ESR1: variants seen among roughly 807,000 people sequenced by gnomAD.
ESR1 encodes the protein estrogen receptor.
In ESR1, 12 loss-of-function variants were observed where a neutral mutation model predicts 52.7. The ratio of observed to expected loss-of-function variants is 0.23; its 90% CI spans 0.15 to 0.37. The LOEUF (loss-of-function observed/expected upper bound fraction) is 0.37, where lower values mean the gene tolerates loss of function less well. Among genes scored for constraint, ESR1 ranks in the 10% least tolerant of loss-of-function variants. ESR1 has a pLI of 1.00. For synonymous variants in ESR1, 305 were observed against 316.8 expected, an observed-to-expected ratio of 0.96 and a Z score of 0.39; for missense variants, 584 against 779.7, an observed-to-expected ratio of 0.75 and a Z score of 2.99.
chr6:151,763,800 A>T (rs1462763697), intron 2 of ESR1, among the ~76,000 whole-genome samples: 2 of 152,086 alleles, frequency 1.3e-5, no homozygotes, highest in African/African-American at 4.8e-5. Context: ...AATGAACAAG[A>T]CTCCTGACTT....
At chr6:152,109,936 T>C (rs191568206) in intron 6 of ESR1, among the ~76,000 whole-genome samples, 1 of 152,316 alleles carries the variant, frequency 6.6e-6, no homozygotes, top group East Asian at 1.9e-4. Flanking sequence ...GCAGATGGAA[T>C]GTTCTTTGAT....
Position 152,100,919 on chromosome 6 carries a change from T to A in ESR1, c.*1953T>A. 1 of 230,342 alleles carries A rather than the reference T, an allele frequency of 4.3e-6. No individual in the cohort carries two copies. Among genetic ancestry groups the A allele is most frequent in the Non-Finnish European group, 8.6e-6 (1 of 116,106 alleles). 14.3% of individuals were successfully genotyped at this position (230,342 alleles called of 1,614,324 possible). A position where few individuals can be genotyped will look rare whatever the true frequency, so the allele number is the denominator to read the frequency against. On this transcript the variant is annotated 3_prime_UTR_variant, in exon 8 of 8. Coordinates refer to ENST00000206249, the MANE Select transcript of ESR1 (RefSeq NM_000125.4). ...TGTTTAAGAAGCACCTTATATAGTA[T>A]AATATATATTTTTTTGAAATTACAT...
chr6:152,015,510 C>A (rs1413921627), intron 5 of ESR1, among the ~76,000 whole-genome samples: 1 of 152,178 alleles, frequency 6.6e-6, no homozygotes, highest in Non-Finnish European at 1.5e-5. Context: ...TGGTCAAAAA[C>A]CAGATCTTGT....
At position 152,102,856 on chromosome 6, in the gene ESR1, G is replaced by A. The variant is rs942939414; in HGVS notation, c.*3890G>A. 1.0e-4 allele frequency: 23 copies of A among 226,522 alleles called. No individual in the cohort carries two copies. Among genetic ancestry groups the A allele is most frequent in the African/African-American group, 5.1e-4 (23 of 44,922 alleles). The allele number at this position is 226,522 out of a possible 1,614,324, so 14.0% of individuals were successfully genotyped here. A position where few individuals can be genotyped will look rare whatever the true frequency, so the allele number is the denominator to read the frequency against. The stretch of plus-strand genomic sequence containing the variant: ...CCCATCGTCAGTGTGTGTGTTTAGA[G>A]CTGTGCACCCTAGAAACAACATATT... On this transcript the variant is annotated 3_prime_UTR_variant, in exon 8 of 8. Coordinates refer to ENST00000206249, the MANE Select transcript of ESR1 (RefSeq NM_000125.4).
chr6:151,778,668 A>C (rs1448284744), intron 2 of ESR1, among the ~76,000 whole-genome samples: 3 of 151,944 alleles, frequency 2.0e-5, no homozygotes, highest in Non-Finnish European at 4.4e-5. Context: ...AGCCTCCCAA[A>C]GTGCTGGGAT....
chr6:151,880,297 C>G (rs1044901545), intron 2 of ESR1, among the ~76,000 whole-genome samples: 1 of 150,604 alleles, frequency 6.6e-6, no homozygotes, highest in Non-Finnish European at 1.5e-5. Context: ...ATTCTCCTGC[C>G]TCAGCTTCCT....
intron 4 of ESR1, among the ~76,000 whole-genome samples, chr6:151,960,658 A>G (rs60975597): frequency 0.16 from 24,509 of 152,154 alleles, 2,271 homozygotes; most frequent in African/African-American, 0.23. Flanking sequence ...TTTTATTCTG[A>G]AGGAAATGAG....
At chr6:151,824,463 G>T (rs898802292) in intron 1 of ESR1, among the ~76,000 whole-genome samples, 1 of 152,244 alleles carries the variant, frequency 6.6e-6, no homozygotes, top group South Asian at 2.1e-4. Context: ...CTGTGCAGAA[G>T]CTCTTTCGTT....
At chr6:151,882,892 A>G (rs1793184126) in intron 3 of ESR1, among the ~76,000 whole-genome samples, 1 of 152,288 alleles carries the variant, frequency 6.6e-6, no homozygotes, top group Non-Finnish European at 1.5e-5. Context: ...GTTTTCTCCT[A>G]GGAATCTAGA....
intron 3 of ESR1, among the ~76,000 whole-genome samples, chr6:151,925,221 T>C (rs1336619066): frequency 1.3e-5 from 2 of 152,248 alleles, no homozygotes; most frequent in Admixed American, 6.5e-5. Context: ...TACATTTCTC[T>C]AATGATTAGT....
chr6:152,126,214 T>C (rs1193109590), exon 7 of ESR1: 2 of 152,156 alleles, frequency 1.3e-5, no homozygotes, highest in Non-Finnish European at 2.9e-5. Flanking sequence ...CCCTTGAAAA[T>C]ATCCGAACTA....
In ESR1 at chr6:151,930,575, C is replaced by G. The variant is rs574159797; in HGVS notation, c.761-13598C>G. Among the ~76,000 whole-genome samples, 14 of 152,164 alleles carry G rather than the reference C, an allele frequency of 9.2e-5. No homozygotes were observed. The East Asian group carries it at 2.7e-3, about 29-fold the overall frequency. On this transcript the variant is annotated intron_variant, in intron 3 of 7. Transcript: ENST00000206249. Reference sequence around the variant, plus strand: ...AAGAATTTAGAAAGAATTTAGAATCCTGTGTAAAATAAATTTCCTTTTATT... The same window carrying G: ...AAGAATTTAGAAAGAATTTAGAATCGTGTGTAAAATAAATTTCCTTTTATT...
Position 151,838,651 on chromosome 6 carries a change from G to GT in ESR1, c.453-3937dup, listed in dbSNP as rs1293129795. Among the ~76,000 whole-genome samples the GT allele has an allele frequency of 1.6e-4, 25 of 151,532 alleles. No individual in the cohort carries two copies. In the East Asian group the frequency reaches 2.3e-3, roughly 14 times the overall value. ...TCTTGCCTTTTAGTTTATATTCTTTGTTTTTTTTTAAATAACATTTTGACA... is the reference window on the plus strand; with the variant it reads ...TCTTGCCTTTTAGTTTATATTCTTTGTTTTTTTTTTAAATAACATTTTGACA... On this transcript the variant is annotated intron_variant, in intron 1 of 7. Transcript: ENST00000206249.
chr6:151,826,973 T>A (rs558836169), intron 1 of ESR1, among the ~76,000 whole-genome samples: 1 of 152,210 alleles, frequency 6.6e-6, no homozygotes, highest in African/African-American at 2.4e-5. Flanking sequence ...GAGGCCCTGA[T>A]GTGGGAACAT....
chr6:151,868,907 C>T (rs1352891644), intron 2 of ESR1, among the ~76,000 whole-genome samples: 3 of 152,076 alleles, frequency 2.0e-5, no homozygotes, highest in Non-Finnish European at 2.9e-5. Flanking sequence ...CTTAGAGGGT[C>T]GAAAGTGTAC....
Position 151,721,266 on chromosome 6 carries a change from A to T in ESR1, c.-71+19261A>T, listed in dbSNP as rs147412627. Among the ~76,000 whole-genome samples the T allele has an allele frequency of 3.2e-3, 485 of 152,348 alleles. 3 individuals are homozygous for T. Among genetic ancestry groups the T allele is most frequent in the Middle Eastern group, 6.8e-3 (2 of 294 alleles). ...AGAACCATTTGGGTAACAAGATAGG[A>T]CTTGGCAAGTTAGGGGAGTCGTAAG... On this transcript the variant is annotated intron_variant, in intron 2 of 2. Coordinates refer to the ESR1 transcript ENST00000404742.
At chr6:151,950,986 C>T (rs569022660) in intron 4 of ESR1, among the ~76,000 whole-genome samples, 2 of 151,760 alleles carry the variant, frequency 1.3e-5, no homozygotes, top group African/African-American at 4.8e-5. Flanking sequence ...TAATCATTTA[C>T]TCTTGTATAT....
At chr6:151,743,252 T>A (rs1443486388) in intron 2 of ESR1, among the ~76,000 whole-genome samples, 1 of 152,132 alleles carries the variant, frequency 6.6e-6, no homozygotes, top group Non-Finnish European at 1.5e-5. Flanking sequence ...CATGTAGGGC[T>A]TGGGCATGGG....
intron 1 of ESR1, among the ~76,000 whole-genome samples, chr6:151,696,519 T>TAA (rs1263771354): frequency 6.8e-6 from 1 of 147,402 alleles, no homozygotes; most frequent in East Asian, 2.0e-4. Flanking sequence ...AATAAATAAA[T>TAA]AAGTAGTGCC....
Sources: gnomAD v4.1 joint callset for allele counts (sites outside exome capture counted in the v4.1 genomes callset) on GRCh38, gnomAD v4.1.1 for gene constraint, MANE v1.5 for transcripts, NCBI Gene and HGNC (gene_info 2026-07-23, HGNC 2026-07-21) for gene names.